IQSEC1: variants seen among roughly 807,000 people sequenced by gnomAD.
The protein encoded by IQSEC1 is IQ motif and Sec7 domain ArfGEF 1, also known as IQ motif and SEC7 domain-containing protein 1.
A neutral mutation model predicts 91.0 loss-of-function variants in IQSEC1; 31 were observed. That is an observed-to-expected ratio of 0.34 (90% confidence interval 0.26 to 0.46). The LOEUF (loss-of-function observed/expected upper bound fraction) is 0.46. Ranked by LOEUF, IQSEC1 falls within the 20% of genes least tolerant of loss-of-function variation. The probability of loss-of-function intolerance (pLI) is 1.00; values close to 1 mark genes in which losing one functional copy is unlikely to be tolerated. For synonymous variants in IQSEC1, 699 were observed against 662.6 expected (o/e 1.05, Z -0.84); for missense variants, 1,388 against 1,575.6 (o/e 0.88, Z 2.02).
intron 1 of IQSEC1, among the ~76,000 whole-genome samples, chr3:13,044,361 G>A (rs1185118656): frequency 6.6e-6 from 1 of 152,170 alleles, no homozygotes; most frequent in Non-Finnish European, 1.5e-5. Flanking sequence ...GAATGGTCCT[G>A]CCCAAAATGT....
intron 2 of IQSEC1, among the ~76,000 whole-genome samples, chr3:13,080,411 GTC>G (rs1458564084): frequency 6.6e-6 from 1 of 152,158 alleles, no homozygotes; most frequent in Admixed American, 6.5e-5. Flanking sequence ...GGCACCCTTT[GTC>G]TATACAGGGA....
Position 13,008,066 on chromosome 3 carries a change from C to A in IQSEC1, c.23+64926G>T, listed in dbSNP as rs2124886656. On this transcript the variant is annotated intron_variant, in intron 1 of 13. Transcript: ENST00000613206. The surrounding 1 kb of genome is among the most constrained non-coding windows in gnomAD (Gnocchi z 4.1). ...CCCTTCCATAAGCCCACCCCAGGAACCCCAGGGAGGGGCCAGGTGCCTGGC... is the reference window on the plus strand; with the variant it reads ...CCCTTCCATAAGCCCACCCCAGGAAACCCAGGGAGGGGCCAGGTGCCTGGC... Among the ~76,000 whole-genome samples the A allele has an allele frequency of 6.6e-6, 1 of 152,328 alleles. No homozygotes were observed. The highest frequency in any genetic ancestry group is 1.5e-5 in the Non-Finnish European group (1 of 68,024).
At chr3:12,956,934 T>C (rs755209663) in intron 1 of IQSEC1, among the ~76,000 whole-genome samples, 10 of 152,216 alleles carry the variant, frequency 6.6e-5, no homozygotes, top group Non-Finnish European at 1.3e-4. Context: ...AGACACACTT[T>C]ACCAACTGTA....
rs969936155 is a variant in IQSEC1, at chr3:13,207,959, A to T, written c.273-43826T>A. Among the ~76,000 whole-genome samples the T allele has an allele frequency of 6.6e-6, 1 of 152,194 alleles. No individual in the cohort carries two copies. The highest frequency in any genetic ancestry group is 2.4e-5 in the African/African-American group (1 of 41,448). On this transcript the variant is annotated intron_variant, in intron 1 of 15. Coordinates refer to the IQSEC1 transcript ENST00000648114. The surrounding 1 kb of genome is among the most constrained non-coding windows in gnomAD (Gnocchi z 4.8). The stretch of plus-strand genomic sequence containing the variant: ...CAGAACCCCCAGCATGGCACATAGC[A>T]GTTGCTCAACAAATGCATCTTGAAT...
chr3:13,207,851 CT>C lies in IQSEC1; in HGVS notation c.273-43719del, dbSNP rs1576295473. Among the ~76,000 whole-genome samples the C allele has an allele frequency of 6.6e-6, 1 of 152,186 alleles. No homozygotes were observed. The highest frequency in any genetic ancestry group is 6.5e-5 in the Admixed American group (1 of 15,286). ...CCCATACACTGACCAGCCTTCCCTC[CT>C]GCCTTTGTGCTGACTTGTTTACTCC... On this transcript the variant is annotated intron_variant, in intron 1 of 15. Transcript: ENST00000648114. The surrounding 1 kb of genome is among the most constrained non-coding windows in gnomAD (Gnocchi z 4.8).
At chr3:13,194,115 C>A (rs1013720996) in intron 1 of IQSEC1, among the ~76,000 whole-genome samples, 2 of 152,130 alleles carry the variant, frequency 1.3e-5, no homozygotes, top group East Asian at 1.9e-4. Flanking sequence ...TTAGGGCCAC[C>A]ACCACGAGCT....
At chr3:13,187,792 C>T (rs1179827223) in intron 1 of IQSEC1, among the ~76,000 whole-genome samples, 2 of 152,180 alleles carry the variant, frequency 1.3e-5, no homozygotes, top group Non-Finnish European at 2.9e-5. Context: ...GATCAAGGTG[C>T]CGCAGGCTCG....
intron 1 of IQSEC1, among the ~76,000 whole-genome samples, chr3:13,190,978 C>G (rs1282912838): frequency 6.6e-6 from 1 of 152,216 alleles, no homozygotes; most frequent in Non-Finnish European, 1.5e-5. Flanking sequence ...CGACAGCAAA[C>G]TGATGCCTCC....
intron 1 of IQSEC1, among the ~76,000 whole-genome samples, chr3:12,976,906 C>T (rs751760496): frequency 1.3e-5 from 2 of 150,776 alleles, no homozygotes; most frequent in Non-Finnish European, 2.9e-5. Context: ...ATTCCCTGCA[C>T]CCCACCCCTC....
At position 12,967,476 on chromosome 3, in the gene IQSEC1, G is replaced by A. The variant is rs1350635001; in HGVS notation, c.24-25611C>T. On this transcript the variant is annotated intron_variant, in intron 1 of 13. Coordinates refer to ENST00000613206, the MANE Select transcript of IQSEC1 (RefSeq NM_001134382.3). This position sits in a 1 kb window ranked among gnomAD's most constrained non-coding sequence, Gnocchi z 5.9. ...TGGCGGCCGCAGTGGGAGCGGGCCG[G>A]GCCGGGAGCCGGGACCCAGGCCCAG... 1 of 1,502,818 alleles carries A rather than the reference G, an allele frequency of 6.7e-7. No homozygotes were observed. Among genetic ancestry groups the A allele is most frequent in the Admixed American group, 2.1e-5 (1 of 47,674 alleles). 93.1% of individuals were successfully genotyped at this position (1,502,818 alleles called of 1,614,324 possible). A position where few individuals can be genotyped will look rare whatever the true frequency, so the allele number is the denominator to read the frequency against.
intron 1 of IQSEC1, among the ~76,000 whole-genome samples, chr3:13,233,748 C>T (rs1398765409): frequency 6.6e-6 from 1 of 152,152 alleles, no homozygotes; most frequent in South Asian, 2.1e-4. Flanking sequence ...AGAAACAGGT[C>T]CAGAGGTGCT....
At chr3:13,257,791 G>A (rs1183239977) in intron 1 of IQSEC1, among the ~76,000 whole-genome samples, 2 of 152,312 alleles carry the variant, frequency 1.3e-5, no homozygotes, top group Admixed American at 6.5e-5. Flanking sequence ...ATACGCCCCT[G>A]CCACACGGCC....
At chr3:13,063,576 G>A (rs77060472) in intron 1 of IQSEC1, among the ~76,000 whole-genome samples, 2,369 of 152,354 alleles carry the variant, frequency 0.016, 60 homozygotes, top group African/African-American at 0.054. Context: ...CTGGGCTGGG[G>A]CTGGGGCCCC....
rs148663821 is a variant in IQSEC1 at position 13,053,785 on chromosome 3, CCTCT to C, written c.23+19203_23+19206del. 3.8e-3 allele frequency among the ~76,000 whole-genome samples: 581 copies of C among 152,302 alleles called. 2 individuals are homozygous for C. The highest frequency in any genetic ancestry group is 6.9e-3 in the Admixed American group (106 of 15,298). ...TCCAAAGGGGTGGGGAGGCCACAGA[CCTCT>C]CTGTTCCACTGTCCCCCTCCCTCTT... is the stretch of plus-strand genomic sequence containing the variant. On this transcript the variant is annotated intron_variant, in intron 1 of 13. Transcript: ENST00000613206.
rs112389639 is a variant in IQSEC1 at position 13,268,189 on chromosome 3, C to G, written c.272+14522G>C. On this transcript the variant is annotated intron_variant, in intron 1 of 15. Coordinates refer to the IQSEC1 transcript ENST00000648114. ...GCTCAGCCAGAGGAGGGCCACAGGG[C>G]CACCAGACACGAAGCAGGATGCCAA... 7.4e-3 allele frequency among the ~76,000 whole-genome samples: 1,121 copies of G among 152,348 alleles called. 11 individuals are homozygous for G. Among genetic ancestry groups the G allele is most frequent in the African/African-American group, 0.026 (1,065 of 41,572 alleles).
intron 2 of IQSEC1, among the ~76,000 whole-genome samples, chr3:13,147,930 G>A (rs1706925106): frequency 6.6e-6 from 1 of 152,252 alleles, no homozygotes. Context: ...ACCACGCCCA[G>A]CCGACAGGTG....
intron 1 of IQSEC1, among the ~76,000 whole-genome samples, chr3:13,010,208 C>T (rs1015226822): frequency 6.6e-6 from 1 of 152,184 alleles, no homozygotes; most frequent in South Asian, 2.1e-4. Context: ...CTTAGCAGGT[C>T]GCAATGGTGG....
At chr3:12,915,252 GT>G in intron 7 of IQSEC1, 119 bp from the exon 8 acceptor site, 1 of 1,139,236 alleles carries the variant, frequency 8.8e-7, no homozygotes, top group Non-Finnish European at 1.3e-6. Context: ...AGTATGTGGG[GT>G]ACCCACTCTC....
intron 1 of IQSEC1, among the ~76,000 whole-genome samples, chr3:13,224,764 C>T (rs377374965): frequency 5.3e-5 from 8 of 152,288 alleles, no homozygotes; most frequent in Admixed American, 2.6e-4. Flanking sequence ...TCAATCCCCC[C>T]GCCAACTCCC....
Sources: gnomAD v4.1 joint callset for allele counts (sites outside exome capture counted in the v4.1 genomes callset) on GRCh38, gnomAD v4.1.1 for gene constraint, Gnocchi (gnomAD v3.1) non-coding constraint, MANE v1.5 for transcripts, NCBI Gene and HGNC (gene_info 2026-07-23, HGNC 2026-07-21) for gene names.